ADAM32: variants seen among roughly 807,000 people sequenced by gnomAD.
ADAM32 encodes the protein ADAM metallopeptidase domain 32, also known as disintegrin and metalloproteinase domain-containing protein 32.
A neutral mutation model predicts 114.9 loss-of-function variants in ADAM32; 89 were observed. The observed-to-expected ratio is 0.77, with a 90% CI of 0.65 to 0.92. The LOEUF (loss-of-function observed/expected upper bound fraction) is 0.92, where lower values mean the gene tolerates loss of function less well. ADAM32 is among the 40% of genes least tolerant of loss of function. The pLI is 0.00. For synonymous variants in ADAM32, 285 were observed against 307.5 expected (o/e 0.93, Z 0.77); for missense variants, 870 against 932.8 (o/e 0.93, Z 0.88).
Position 39,234,034 on chromosome 8 carries a change from T to C in ADAM32, c.1770T>C (p.Val590=). The C allele has an allele frequency of 6.6e-7, 1 of 1,515,038 alleles. No individual in the cohort carries two copies. The highest frequency in any genetic ancestry group is 1.4e-5 in the South Asian group (1 of 73,678). 93.8% of individuals were successfully genotyped at this position (1,515,038 alleles called of 1,614,324 possible). A position where few individuals can be genotyped will look rare whatever the true frequency, so the allele number is the denominator to read the frequency against. ...TAGACTACAAATTGCCTCGAACAGT[T>C]CCAGATCCACTGGCTGTCAAAAATG... ...ITVDYKLPRT[V]PDPLAVKNGS... The change falls in exon 16 of 25, where the codon GTT becomes GTC. Residue 590 remains valine, a synonymous_variant. Transcript: ENST00000379907.
chr8:39,168,022 C>G (rs890289166), intron 9 of ADAM32: 1 of 151,980 alleles, frequency 6.6e-6, no homozygotes. Context: ...GATTTGGATG[C>G]CTGTAAGGGC....
At position 39,284,854 on chromosome 8, in the gene ADAM32, TTC is replaced by T; in HGVS notation, c.*57_*58del. The T allele has an allele frequency of 6.3e-7, 1 of 1,598,930 alleles. No individual in the cohort carries two copies. Among genetic ancestry groups the T allele is most frequent in the South Asian group, 1.1e-5 (1 of 90,348 alleles). On this transcript the variant is annotated 3_prime_UTR_variant, in exon 25 of 25. Coordinates refer to ENST00000379907, the MANE Select transcript of ADAM32 (RefSeq NM_145004.7). Reference sequence around the variant, plus strand: ...CGAGAGTCTCGCTAAGAAATGAAAATTCTGTCTTTCCTTCCGTGGTCACAGCT... The same window carrying T: ...CGAGAGTCTCGCTAAGAAATGAAAATTGTCTTTCCTTCCGTGGTCACAGCT...
In ADAM32 at chr8:39,127,952, G is replaced by C. The variant is rs571670889; in HGVS notation, c.139-8705G>C. Among the ~76,000 whole-genome samples the C allele has an allele frequency of 1.5e-4, 23 of 152,154 alleles. No homozygotes were observed. The South Asian group carries it at 3.1e-3, about 21-fold the overall frequency. On this transcript the variant is annotated intron_variant, in intron 2 of 24. Coordinates refer to ENST00000379907, the MANE Select transcript of ADAM32 (RefSeq NM_145004.7). Reference sequence around the variant, plus strand: ...GATTATTTTCACAACAGTTATTCAGGAACAGGTTGTTCAATGTCCATGTAC... The same window carrying C: ...GATTATTTTCACAACAGTTATTCAGCAACAGGTTGTTCAATGTCCATGTAC...
chr8:39,283,549 A>T, intron 23 of ADAM32, 37 bp from the exon 24 acceptor site: 1 of 1,520,778 alleles, frequency 6.6e-7, no homozygotes, highest in Non-Finnish European at 9.0e-7. Flanking sequence ...AGGTTGTATT[A>T]TATCAGCCTA....
At chr8:39,254,147 G>C (rs897618587) in intron 17 of ADAM32, among the ~76,000 whole-genome samples, 1 of 151,078 alleles carries the variant, frequency 6.6e-6, no homozygotes, top group African/African-American at 2.4e-5. Context: ...TTTTGAAATT[G>C]CATCGTAAAT....
At position 39,149,227 on chromosome 8, in the gene ADAM32, T is replaced by A. The variant is rs1029157738; in HGVS notation, c.277-564T>A. Among the ~76,000 whole-genome samples the A allele has an allele frequency of 6.6e-5, 10 of 152,176 alleles. 1 individual carries two copies. The highest frequency in any genetic ancestry group is 2.4e-4 in the African/African-American group (10 of 41,460). ...GACTTTATATATTTTGAAGCTGTGTTATTAAGTGAATGCCAATTTGGAATA... is the reference window on the plus strand; with the variant it reads ...GACTTTATATATTTTGAAGCTGTGTAATTAAGTGAATGCCAATTTGGAATA... On this transcript the variant is annotated intron_variant, in intron 4 of 24. Coordinates refer to ENST00000379907, the MANE Select transcript of ADAM32 (RefSeq NM_145004.7).
intron 3 of ADAM32, among the ~76,000 whole-genome samples, 189 bp from the exon 4 acceptor site, chr8:39,146,941 A>G (rs921366515): frequency 7.2e-5 from 11 of 152,358 alleles, no homozygotes; most frequent in Admixed American, 5.2e-4. Flanking sequence ...AAAACTAGTT[A>G]ATCTCTCATC....
chr8:39,181,482 C>T (rs182924928), intron 10 of ADAM32, among the ~76,000 whole-genome samples: 99 of 152,292 alleles, frequency 6.5e-4, no homozygotes, highest in Non-Finnish European at 1.2e-3. Context: ...TGCGAGGCTC[C>T]GCGGCTTCAT....
intron 20 of ADAM32, among the ~76,000 whole-genome samples, chr8:39,273,880 T>A (rs1454417331): frequency 1.3e-5 from 2 of 152,192 alleles, no homozygotes; most frequent in Admixed American, 1.3e-4. Context: ...GCTAGATTGC[T>A]TAGGAGGCAG....
chr8:39,253,617 C>T (rs1055810411), intron 17 of ADAM32, among the ~76,000 whole-genome samples: 3 of 151,520 alleles, frequency 2.0e-5, no homozygotes, highest in South Asian at 2.1e-4. Flanking sequence ...CATTTTTATA[C>T]GTCAAAAACA....
intron 22 of ADAM32, among the ~76,000 whole-genome samples, 178 bp from the exon 23 acceptor site, chr8:39,280,958 A>G (rs894144901): frequency 1.3e-5 from 2 of 151,456 alleles, no homozygotes; most frequent in South Asian, 2.1e-4. Context: ...AATTTTTTGT[A>G]TTTTTAGTAG....
chr8:39,147,203 C>A lies in ADAM32; in HGVS notation c.274C>A (p.Gln92Lys). The change falls in exon 4 of 25, where the codon CAG becomes AAG. Residue 92 changes from glutamine to lysine, a missense_variant and splice_region_variant. Physicochemically the swap from Gln to Lys is moderately conservative, Grantham distance 53 (BLOSUM62 1). Transcript: ENST00000379907. ...TATGAATACTTATTCTTCAGATATTCAGGTAAGATTTAAATTCTGTGTTTT... is the reference window on the plus strand; with the variant it reads ...TATGAATACTTATTCTTCAGATATTAAGGTAAGATTTAAATTCTGTGTTTT... Reference protein sequence around the residue: ...GSMNTYSSDIQTQCYYQGNIE... With the variant: ...GSMNTYSSDIKTQCYYQGNIE... 1.0e-6 allele frequency: 1 copy of A among 999,458 alleles called. No homozygotes were observed. The highest frequency in any genetic ancestry group is 1.3e-6 in the Non-Finnish European group (1 of 752,688). 61.9% of individuals were successfully genotyped at this position (999,458 alleles called of 1,614,324 possible).
intron 2 of ADAM32, among the ~76,000 whole-genome samples, chr8:39,129,138 T>G (rs1456632835): frequency 6.6e-6 from 1 of 150,540 alleles, no homozygotes; most frequent in African/African-American, 2.5e-5. Context: ...TTTTTTTTTT[T>G]TGTGGATTCT....
chr8:39,174,369 T>C (rs574205616), intron 10 of ADAM32, among the ~76,000 whole-genome samples: 2 of 152,338 alleles, frequency 1.3e-5, no homozygotes, highest in South Asian at 4.1e-4. Flanking sequence ...ACTGTAGCCT[T>C]GTAGTATAGT....
chr8:39,210,464 G>A (rs1307213266), intron 11 of ADAM32, among the ~76,000 whole-genome samples: 3 of 152,166 alleles, frequency 2.0e-5, no homozygotes, highest in South Asian at 2.1e-4. Flanking sequence ...TCCCTACAGA[G>A]GGATGATCAC....
intron 19 of ADAM32, among the ~76,000 whole-genome samples, chr8:39,261,011 G>A (rs1363804447): frequency 6.6e-6 from 1 of 151,974 alleles, no homozygotes; most frequent in Non-Finnish European, 1.5e-5. Context: ...AATGTATAGT[G>A]ATCAGATCAA....
chr8:39,237,890 T>C (rs1810285402), intron 16 of ADAM32, among the ~76,000 whole-genome samples: 1 of 152,174 alleles, frequency 6.6e-6, no homozygotes, highest in Non-Finnish European at 1.5e-5. Flanking sequence ...CTGGGTGACC[T>C]TAGGGCAAGC....
At chr8:39,267,653 G>A (rs565483791) in intron 19 of ADAM32, among the ~76,000 whole-genome samples, 19 of 152,274 alleles carry the variant, frequency 1.2e-4, no homozygotes, top group Non-Finnish European at 2.5e-4. Context: ...TCATAGTTCT[G>A]GTTGCCATGA....
At chr8:39,191,686 C>G (rs1156675592) in intron 11 of ADAM32, among the ~76,000 whole-genome samples, 4 of 152,056 alleles carry the variant, frequency 2.6e-5, no homozygotes, top group African/African-American at 9.7e-5. Context: ...ATATTTTCTC[C>G]TGTTCTGTAA....
Sources: gnomAD v4.1 joint callset for allele counts (sites outside exome capture counted in the v4.1 genomes callset) on GRCh38, gnomAD v4.1.1 for gene constraint, MANE v1.5 for transcripts, NCBI Gene and HGNC (gene_info 2026-07-23, HGNC 2026-07-21) for gene names.